The following CTNNA2 variants were observed in gnomAD, a reference collection of about 807,000 sequenced individuals.
CTNNA2 encodes catenin alpha 2.
Under a neutral mutation model 101.0 loss-of-function variants are expected in CTNNA2, and 42 were observed. That is an observed-to-expected ratio of 0.42 (90% CI 0.32 to 0.54). CTNNA2 has a LOEUF of 0.54. Among genes scored for constraint, CTNNA2 ranks in the 20% least tolerant of loss-of-function variants. The probability of loss-of-function intolerance (pLI) is 0.14; values close to 1 mark genes in which losing one functional copy is unlikely to be tolerated. For synonymous variants in CTNNA2, 450 were observed against 456.4 expected (o/e 0.99, Z 0.18); for missense variants, 871 against 1,223.1 (o/e 0.71, Z 4.29).
intron 4 of CTNNA2, among the ~76,000 whole-genome samples, chr2:79,374,858 T>C (rs1400490113): frequency 6.6e-6 from 1 of 152,164 alleles, no homozygotes; most frequent in East Asian, 1.9e-4. Flanking sequence ...AGAAAGAGAT[T>C]CATTCCATTC....
chr2:80,319,239 T>C (rs1678444097), intron 7 of CTNNA2, among the ~76,000 whole-genome samples: 1 of 152,224 alleles, frequency 6.6e-6, no homozygotes, highest in South Asian at 2.1e-4. Context: ...TTTAATATAA[T>C]TGGTATTTGA....
intron 8 of CTNNA2, among the ~76,000 whole-genome samples, chr2:80,399,647 G>A (rs1424476554): frequency 6.6e-6 from 1 of 152,160 alleles, no homozygotes; most frequent in South Asian, 2.1e-4. Context: ...GGAAAAGTGG[G>A]AAGGGAAGGA....
chr2:79,781,484 G>A (rs72912761), intron 3 of CTNNA2, among the ~76,000 whole-genome samples: 5,771 of 152,168 alleles, frequency 0.038, 284 homozygotes, highest in East Asian at 0.17. Flanking sequence ...AGTTGCTCTC[G>A]TTCAAATGCC....
At chr2:79,432,957 A>C (rs1472533253) in intron 4 of CTNNA2, among the ~76,000 whole-genome samples, 1 of 152,252 alleles carries the variant, frequency 6.6e-6, no homozygotes. Flanking sequence ...AAGTTGGATA[A>C]AGACAGCCTG....
chr2:80,172,900 A>T (rs555063910), intron 7 of CTNNA2, among the ~76,000 whole-genome samples: 43 of 152,326 alleles, frequency 2.8e-4, no homozygotes, highest in African/African-American at 8.4e-4. Flanking sequence ...TTAAGGGCCC[A>T]GTCTACGCCA....
rs949199509 is a variant in CTNNA2, at chr2:80,035,416, G to A, written c.1056+125619G>A. 2.6e-5 allele frequency among the ~76,000 whole-genome samples: 4 copies of A among 152,156 alleles called. No homozygotes were observed. In the South Asian group the frequency reaches 8.3e-4, roughly 31 times the overall value. Reference sequence around the variant, plus strand: ...TACAAAGCACTTAGCAAGGTATTTGGTTCACAATTGTTGTAAAAAGGACAG... The same window carrying A: ...TACAAAGCACTTAGCAAGGTATTTGATTCACAATTGTTGTAAAAAGGACAG... On this transcript the variant is annotated intron_variant, in intron 7 of 18. Coordinates refer to ENST00000402739, the MANE Select transcript of CTNNA2 (RefSeq NM_001282597.3).
At chr2:80,515,949 G>C (rs894701494) in intron 9 of CTNNA2, among the ~76,000 whole-genome samples, 1 of 152,146 alleles carries the variant, frequency 6.6e-6, no homozygotes, top group Non-Finnish European at 1.5e-5. Flanking sequence ...TTTTTGCTAA[G>C]GTCTGGGTGT....
At chr2:79,308,452 T>C (rs975873844) in intron 2 of CTNNA2, among the ~76,000 whole-genome samples, 5 of 152,218 alleles carry the variant, frequency 3.3e-5, no homozygotes, top group African/African-American at 1.2e-4. Context: ...ATTTTGTAGA[T>C]TGTCTTTTCA....
intron 7 of CTNNA2, among the ~76,000 whole-genome samples, chr2:80,320,961 A>G (rs1678618907): frequency 6.6e-6 from 1 of 152,164 alleles, no homozygotes; most frequent in Admixed American, 6.5e-5. Context: ...GGGGACAGAG[A>G]AGAAGAATAA....
chr2:80,491,542 G>A (rs1013513947), intron 9 of CTNNA2, among the ~76,000 whole-genome samples: 4 of 152,192 alleles, frequency 2.6e-5, no homozygotes, highest in African/African-American at 9.7e-5. Context: ...TCAGAAAACT[G>A]TTGGAGGATG....
intron 9 of CTNNA2, among the ~76,000 whole-genome samples, chr2:80,443,954 G>A (rs1299539717): frequency 1.3e-5 from 2 of 152,174 alleles, no homozygotes; most frequent in Non-Finnish European, 2.9e-5. Context: ...TGTAAAGTGG[G>A]TTAGGGAGAC....
At chr2:80,111,756 G>C (rs1479095562) in intron 7 of CTNNA2, among the ~76,000 whole-genome samples, 4 of 152,142 alleles carry the variant, frequency 2.6e-5, no homozygotes, top group African/African-American at 9.7e-5. Flanking sequence ...TGCCCAGACT[G>C]ATCTCAAGCA....
chr2:79,230,776 G>A (rs906257956), intron 2 of CTNNA2, among the ~76,000 whole-genome samples: 1 of 152,216 alleles, frequency 6.6e-6, no homozygotes, highest in Non-Finnish European at 1.5e-5. Flanking sequence ...AGCCACAGGG[G>A]CAGAGCTGCC....
chr2:79,947,658 T>G (rs187568138), intron 7 of CTNNA2, among the ~76,000 whole-genome samples: 2 of 152,338 alleles, frequency 1.3e-5, no homozygotes, highest in Admixed American at 6.5e-5. Context: ...CATGGTATTG[T>G]TATTAAAATA....
intron 17 of CTNNA2, among the ~76,000 whole-genome samples, chr2:80,613,809 T>C (rs988442101): frequency 1.3e-5 from 2 of 151,496 alleles, no homozygotes; most frequent in Non-Finnish European, 3.0e-5. Flanking sequence ...ACTGGAGACA[T>C]GGATTGACCT....
At chr2:80,643,640 G>A (rs1250448799) in intron 18 of CTNNA2, among the ~76,000 whole-genome samples, 1 of 152,140 alleles carries the variant, frequency 6.6e-6, no homozygotes, top group African/African-American at 2.4e-5. Flanking sequence ...CTGAGAGGTG[G>A]TTGATTTTTG....
Position 80,303,959 on chromosome 2 carries a change from AAAG to A in CTNNA2, c.1057-89248_1057-89246del. ...AAAAATCAAATAAATACATAGAAATAAAGAAGGACCCCCCTCCCCAAAAACCAC... is the reference window on the plus strand; with the variant it reads ...AAAAATCAAATAAATACATAGAAATAAAGGACCCCCCTCCCCAAAAACCAC... On this transcript the variant is annotated intron_variant, in intron 7 of 18. Coordinates refer to ENST00000402739, the MANE Select transcript of CTNNA2 (RefSeq NM_001282597.3). The surrounding 1 kb of genome is among the most constrained non-coding windows in gnomAD (Gnocchi z 7.7). The A allele has an allele frequency of 2.0e-6, 2 of 1,020,386 alleles. No homozygotes were observed. Among genetic ancestry groups the A allele is most frequent in the Non-Finnish European group, 2.7e-6 (2 of 740,876 alleles). The allele number at this position is 1,020,386 out of a possible 1,614,324, so 63.2% of individuals were successfully genotyped here. A position where few individuals can be genotyped will look rare whatever the true frequency, so the allele number is the denominator to read the frequency against.
At chr2:80,224,431 ATTTATT>A (rs556044425) in intron 7 of CTNNA2, among the ~76,000 whole-genome samples, 19 of 152,006 alleles carry the variant, frequency 1.2e-4, no homozygotes, top group Non-Finnish European at 2.1e-4. Context: ...CTACAGCTGC[ATTTATT>A]TTTATTTTTA....
chr2:80,131,163 AT>A (rs1702395787), intron 7 of CTNNA2, among the ~76,000 whole-genome samples: 1 of 152,040 alleles, frequency 6.6e-6, no homozygotes, highest in African/African-American at 2.4e-5. Context: ...GGTTCAAGCA[AT>A]TCTCATTCCT....
Sources: allele counts gnomAD v4.1 joint callset (sites outside exome capture counted in the v4.1 genomes callset), GRCh38; gene constraint gnomAD v4.1.1; non-coding constraint Gnocchi (gnomAD v3.1); transcripts MANE v1.5; gene names NCBI Gene and HGNC (gene_info 2026-07-23, HGNC 2026-07-21).